Variants in NAV2 observed in about 807,000 individuals in gnomAD.
The protein encoded by NAV2 is helicase, APC down-regulated 1.
NAV2 carries 54 observed loss-of-function variants against 223.2 expected under a neutral mutation model. The ratio of observed to expected loss-of-function variants is 0.24; its 90% CI spans 0.19 to 0.30. The LOEUF (loss-of-function observed/expected upper bound fraction) is 0.30. NAV2 is among the 10% of genes least tolerant of loss of function. The pLI is 1.00. For synonymous variants in NAV2, 1,279 were observed against 1,239.3 expected, an observed-to-expected ratio of 1.03 and a Z score of -0.67; for missense variants, 2,806 against 3,147.5, an observed-to-expected ratio of 0.89 and a Z score of 2.60.
chr11:19,368,850 C>G (rs1244455981), intron 1 of NAV2, among the ~76,000 whole-genome samples: 1 of 152,180 alleles, frequency 6.6e-6, no homozygotes, highest in Non-Finnish European at 1.5e-5. Flanking sequence ...ACCTCTTTCT[C>G]AGGTCTTCAG....
At chr11:19,490,803 T>G (rs888112942) in intron 1 of NAV2, among the ~76,000 whole-genome samples, 1 of 152,250 alleles carries the variant, frequency 6.6e-6, no homozygotes. Flanking sequence ...CAATTTACTT[T>G]GCTCAGCTCC....
At chr11:19,962,819 C>G (rs2048445805) in intron 10 of NAV2, among the ~76,000 whole-genome samples, 1 of 152,180 alleles carries the variant, frequency 6.6e-6, no homozygotes. Context: ...GAGCCTTCTA[C>G]CTATAAATCA....
intron 1 of NAV2, among the ~76,000 whole-genome samples, chr11:19,611,974 G>T (rs2046658757): frequency 1.3e-5 from 2 of 152,196 alleles, no homozygotes; most frequent in African/African-American, 2.4e-5. Context: ...GCAAACTTTT[G>T]CCTAGACATC....
At chr11:19,827,940 G>A (rs1266049720) in intron 1 of NAV2, among the ~76,000 whole-genome samples, 1 of 151,984 alleles carries the variant, frequency 6.6e-6, no homozygotes, top group Non-Finnish European at 1.5e-5. Flanking sequence ...AGGTAGTAGA[G>A]CGGAATCCCG....
intron 1 of NAV2, among the ~76,000 whole-genome samples, chr11:19,821,481 A>G (rs1376219488): frequency 1.3e-5 from 2 of 152,180 alleles, no homozygotes; most frequent in Non-Finnish European, 2.9e-5. Context: ...CCATCAGACA[A>G]TGTCACCATT....
chr11:19,739,007 G>A (rs2052570784), intron 1 of NAV2, among the ~76,000 whole-genome samples: 1 of 143,916 alleles, frequency 6.9e-6, no homozygotes, highest in Non-Finnish European at 1.5e-5. Context: ...ATGGTGAAAC[G>A]CCATCACTAC....
intron 1 of NAV2, among the ~76,000 whole-genome samples, chr11:19,414,599 T>C (rs1850286725): frequency 6.6e-6 from 1 of 152,308 alleles, no homozygotes; most frequent in East Asian, 1.9e-4. Context: ...GCAGACCTAA[T>C]AGACATTGAC....
intron 1 of NAV2, among the ~76,000 whole-genome samples, chr11:19,446,491 T>A (rs1459556990): frequency 2.6e-5 from 4 of 152,202 alleles, no homozygotes; most frequent in Admixed American, 6.5e-5. Context: ...TCAAGGTTTA[T>A]CTGCCTCAGT....
intron 6 of NAV2, among the ~76,000 whole-genome samples, chr11:19,924,083 A>T (rs970911702): frequency 1.3e-5 from 2 of 152,172 alleles, no homozygotes; most frequent in African/African-American, 2.4e-5. Context: ...CGTGTGTGTG[A>T]GAGAGAGGGA....
At chr11:20,004,759 A>C (rs1381888037) in intron 11 of NAV2, among the ~76,000 whole-genome samples, 1 of 152,192 alleles carries the variant, frequency 6.6e-6, no homozygotes, top group Non-Finnish European at 1.5e-5. Context: ...GTTGTTCCAG[A>C]CACCACCAGA....
chr11:19,400,736 T>A (rs995289513), intron 1 of NAV2, among the ~76,000 whole-genome samples: 6 of 152,226 alleles, frequency 3.9e-5, no homozygotes, highest in Non-Finnish European at 7.4e-5. Flanking sequence ...TAGGGCCATG[T>A]AGGATGCTCA....
In NAV2 at chr11:19,431,096, A is replaced by G. The variant is rs1590192036; in HGVS notation, c.75+80069A>G. On this transcript the variant is annotated intron_variant, in intron 1 of 37. Transcript: ENST00000360655. ...AAAATAGACAGGCAGGTGGAGGGGC[A>G]TCTCATCCCTGCCTGGAAGCTGCCC... Among the ~76,000 whole-genome samples, 5 of 152,206 alleles carry G rather than the reference A, an allele frequency of 3.3e-5. No individual in the cohort carries two copies. In the South Asian group the frequency reaches 1.0e-3, roughly 32 times the overall value.
chr11:19,695,805 G>C (rs912330450), intron 1 of NAV2, among the ~76,000 whole-genome samples: 8 of 152,074 alleles, frequency 5.3e-5, no homozygotes, highest in African/African-American at 1.9e-4. Context: ...TCAGGAGGCT[G>C]AGGCAGGAGA....
At chr11:19,581,814 T>A (rs560216156) in intron 1 of NAV2, among the ~76,000 whole-genome samples, 2 of 152,228 alleles carry the variant, frequency 1.3e-5, no homozygotes, top group African/African-American at 4.8e-5. Context: ...TGAATAGTGC[T>A]GCAATAAACA....
At chr11:19,516,878 A>G (rs561166273) in intron 1 of NAV2, among the ~76,000 whole-genome samples, 2 of 152,162 alleles carry the variant, frequency 1.3e-5, no homozygotes, top group African/African-American at 4.8e-5. Flanking sequence ...CAAACAAGAA[A>G]GACACAATGG....
intron 1 of NAV2, among the ~76,000 whole-genome samples, chr11:19,508,996 A>G (rs753575482): frequency 3.9e-5 from 6 of 152,374 alleles, no homozygotes; most frequent in Non-Finnish European, 8.8e-5. Flanking sequence ...AAGAGCAGAA[A>G]GTAAAATTAT....
intron 10 of NAV2, among the ~76,000 whole-genome samples, chr11:19,969,034 G>GAGA (rs2049003845): frequency 6.6e-6 from 1 of 152,162 alleles, no homozygotes; most frequent in Non-Finnish European, 1.5e-5. Context: ...TTCCTACAGG[G>GAGA]AGAAACGTGC....
intron 1 of NAV2, among the ~76,000 whole-genome samples, chr11:19,541,473 C>A (rs190046215): frequency 6.6e-6 from 1 of 152,362 alleles, no homozygotes; most frequent in Admixed American, 6.5e-5. Flanking sequence ...TCTTTGGGAA[C>A]TGCCAGCCGA....
At chr11:19,513,969 A>C (rs1307760145) in intron 1 of NAV2, among the ~76,000 whole-genome samples, 1 of 152,158 alleles carries the variant, frequency 6.6e-6, no homozygotes, top group Non-Finnish European at 1.5e-5. Context: ...CGCTGCTCAC[A>C]CCTTGATTCT....
Sources: gnomAD v4.1 joint callset for allele counts (sites outside exome capture counted in the v4.1 genomes callset) on GRCh38, gnomAD v4.1.1 for gene constraint, MANE v1.5 for transcripts, NCBI Gene and HGNC (gene_info 2026-07-23, HGNC 2026-07-21) for gene names.